The following AGBL4 variants were observed in gnomAD, a reference collection of about 807,000 sequenced individuals.
AGBL4 encodes cytosolic carboxypeptidase 6.
Under a neutral mutation model 66.4 loss-of-function variants are expected in AGBL4, and 58 were observed. The ratio of observed to expected loss-of-function variants is 0.87; its 90% CI spans 0.71 to 1.09. The LOEUF (loss-of-function observed/expected upper bound fraction) is 1.09, where lower values mean the gene tolerates loss of function less well. Among genes scored for constraint, AGBL4 ranks in the 50% least tolerant of loss-of-function variants. The pLI, the probability that AGBL4 is intolerant of heterozygous loss-of-function variation, is 0.00. For missense variants in AGBL4, 579 were observed against 631.0 expected (o/e 0.92, Z 0.88); for synonymous variants, 234 against 222.9 (o/e 1.05, Z -0.44).
intron 6 of AGBL4, among the ~76,000 whole-genome samples, chr1:48,717,519 T>A (rs984430451): frequency 2.0e-5 from 3 of 152,226 alleles, no homozygotes; most frequent in Admixed American, 2.0e-4. Context: ...AGTCAATGTG[T>A]GTGCGTGTGT....
At chr1:48,631,791 A>C (rs1021219963) in intron 9 of AGBL4, among the ~76,000 whole-genome samples, 7 of 152,212 alleles carry the variant, frequency 4.6e-5, no homozygotes, top group African/African-American at 1.7e-4. Flanking sequence ...ACTCCAGGAC[A>C]GTAGGTATAA....
At chr1:49,882,684 CTGTT>C (rs1193681708) in intron 1 of AGBL4, among the ~76,000 whole-genome samples, 1 of 152,098 alleles carries the variant, frequency 6.6e-6, no homozygotes, top group Admixed American at 6.5e-5. Flanking sequence ...ATTTGGCTCT[CTGTT>C]TGTCTGTTAT....
intron 8 of AGBL4, among the ~76,000 whole-genome samples, chr1:48,638,553 T>C (rs2148420522): frequency 6.6e-6 from 1 of 152,314 alleles, no homozygotes; most frequent in East Asian, 1.9e-4. Flanking sequence ...CTGTTGAAAT[T>C]GTCTAAACTT....
intron 7 of AGBL4, among the ~76,000 whole-genome samples, chr1:48,659,275 C>T (rs1244667615): frequency 1.3e-5 from 2 of 152,162 alleles, no homozygotes; most frequent in South Asian, 2.1e-4. Context: ...CCCCATTTTG[C>T]AGGTCAGGAA....
intron 11 of AGBL4, among the ~76,000 whole-genome samples, chr1:48,550,291 GGT>G (rs551069923): frequency 3.7e-4 from 56 of 151,772 alleles, no homozygotes; most frequent in Admixed American, 7.9e-4. Context: ...CCAAAATCTA[GGT>G]GTCACAGGCC....
At chr1:48,889,068 A>G (rs563506748) in intron 5 of AGBL4, among the ~76,000 whole-genome samples, 52 of 152,336 alleles carry the variant, frequency 3.4e-4, no homozygotes, top group Middle Eastern at 3.4e-3. Context: ...AGTTCATGCC[A>G]TCAGGAATCT....
chr1:49,656,465 C>T (rs1646135582), intron 3 of AGBL4, among the ~76,000 whole-genome samples: 1 of 152,080 alleles, frequency 6.6e-6, no homozygotes, highest in African/African-American at 2.4e-5. Context: ...GAAACTATTC[C>T]AATCAATAGA....
At chr1:49,958,474 GA>G (rs1656825078) in intron 1 of AGBL4, among the ~76,000 whole-genome samples, 1 of 151,930 alleles carries the variant, frequency 6.6e-6, no homozygotes, top group African/African-American at 2.4e-5. Context: ...ACTGGATTAA[GA>G]AAATGTGGCA....
chr1:49,364,924 T>C (rs1644214141), intron 3 of AGBL4, among the ~76,000 whole-genome samples: 1 of 152,220 alleles, frequency 6.6e-6, no homozygotes, highest in African/African-American at 2.4e-5. Context: ...TCAACCACTA[T>C]ACTGAACCTA....
At chr1:49,084,865 C>T (rs540967797) in intron 4 of AGBL4, among the ~76,000 whole-genome samples, 7 of 152,086 alleles carry the variant, frequency 4.6e-5, no homozygotes, top group Non-Finnish European at 8.8e-5. Context: ...AGCTTATCAG[C>T]AATTAAGTGA....
intron 4 of AGBL4, among the ~76,000 whole-genome samples, chr1:49,067,586 C>G (rs1275773436): frequency 6.6e-6 from 1 of 152,102 alleles, no homozygotes; most frequent in Non-Finnish European, 1.5e-5. Flanking sequence ...TCAGATGCCA[C>G]CTACACAAAG....
chr1:49,160,667 G>C (rs1274565554), intron 4 of AGBL4, among the ~76,000 whole-genome samples: 1 of 152,114 alleles, frequency 6.6e-6, no homozygotes, highest in East Asian at 1.9e-4. Flanking sequence ...CCTTCCCCCA[G>C]GTGCTCTTTC....
chr1:49,375,404 AT>A (rs1056780101), intron 3 of AGBL4, among the ~76,000 whole-genome samples: 1 of 151,540 alleles, frequency 6.6e-6, no homozygotes, highest in African/African-American at 2.4e-5. Context: ...AGAAGTGATG[AT>A]TTTTTTTTCT....
intron 3 of AGBL4, among the ~76,000 whole-genome samples, chr1:49,384,624 C>G (rs1644697173): frequency 6.6e-6 from 1 of 151,868 alleles, no homozygotes; most frequent in Non-Finnish European, 1.5e-5. Context: ...ACAAAGCAAA[C>G]AAAAGCCAAC....
chr1:49,863,867 G>T (rs947510907), intron 1 of AGBL4, among the ~76,000 whole-genome samples: 1 of 152,126 alleles, frequency 6.6e-6, no homozygotes, highest in Non-Finnish European at 1.5e-5. Flanking sequence ...AGAACAGTGT[G>T]GAGCTTTCTC....
chr1:49,741,753 A>AT (rs1265084127), intron 2 of AGBL4, among the ~76,000 whole-genome samples: 2 of 152,206 alleles, frequency 1.3e-5, no homozygotes, highest in Non-Finnish European at 2.9e-5. Flanking sequence ...AACATACGAA[A>AT]ATCAATAAAT....
At chr1:49,800,335 AT>A (rs953958973) in intron 2 of AGBL4, among the ~76,000 whole-genome samples, 1 of 148,354 alleles carries the variant, frequency 6.7e-6, no homozygotes, top group East Asian at 2.0e-4. Context: ...AACTCCATTT[AT>A]TTTTTTTATT....
At chr1:48,572,386 G>A (rs1439406149) in intron 11 of AGBL4, among the ~76,000 whole-genome samples, 1 of 151,942 alleles carries the variant, frequency 6.6e-6, no homozygotes, top group African/African-American at 2.4e-5. Context: ...TCCACTATTC[G>A]CCTTGAGAGA....
chr1:49,242,967 G>C (rs1396545732), intron 4 of AGBL4, among the ~76,000 whole-genome samples: 2 of 151,400 alleles, frequency 1.3e-5, no homozygotes, highest in Admixed American at 6.6e-5. Context: ...AGGTGAAGAA[G>C]AATGTTTGTT....
Sources: gnomAD v4.1 joint callset for allele counts (sites outside exome capture counted in the v4.1 genomes callset) on GRCh38, gnomAD v4.1.1 for gene constraint, MANE v1.5 for transcripts, NCBI Gene and HGNC (gene_info 2026-07-23, HGNC 2026-07-21) for gene names.